The following FAM120B variants were observed in gnomAD, a reference collection of about 807,000 sequenced individuals.
The protein encoded by FAM120B is constitutive coactivator of peroxisome proliferator-activated receptor gamma.
In FAM120B, 83 loss-of-function variants were observed where a neutral mutation model predicts 96.3. That is an observed-to-expected ratio of 0.86 (90% CI 0.72 to 1.03). The LOEUF is 1.03. FAM120B is among the 50% of genes least tolerant of loss of function. The pLI is 0.00. For synonymous variants in FAM120B, 407 were observed against 402.7 expected (o/e 1.01, Z -0.13); for missense variants, 1,027 against 1,121.2 (o/e 0.92, Z 1.20).
At position 170,405,313 on chromosome 6, in the gene FAM120B, A is replaced by G. The variant is rs1162045556; in HGVS notation, c.*562A>G. ...AACAGTGAGAGATTAACAGCAACCA[A>G]TAACTAATAAAAGCTATGTGAATGT... On this transcript the variant is annotated 3_prime_UTR_variant, in exon 11 of 11. Coordinates refer to ENST00000476287, the MANE Select transcript of FAM120B (RefSeq NM_032448.3). The G allele has an allele frequency of 6.6e-6, 1 of 152,242 alleles. No individual in the cohort carries two copies. Among genetic ancestry groups the G allele is most frequent in the Non-Finnish European group, 1.5e-5 (1 of 68,046 alleles). 9.4% of individuals were successfully genotyped at this position (152,242 alleles called of 1,614,324 possible).
intron 6 of FAM120B, among the ~76,000 whole-genome samples, chr6:170,367,096 CT>C (rs1788848621): frequency 6.6e-6 from 1 of 152,078 alleles, no homozygotes; most frequent in Non-Finnish European, 1.5e-5. Flanking sequence ...ACAAATTTTT[CT>C]TTTTAGGTTA....
intron 1 of FAM120B, among the ~76,000 whole-genome samples, chr6:170,296,047 C>G (rs971391963): frequency 2.6e-5 from 4 of 152,152 alleles, no homozygotes; most frequent in African/African-American, 9.6e-5. Context: ...GTCCCGCGCC[C>G]CATCTCCATG....
rs1256369186 is a variant in FAM120B, at chr6:170,339,072, T to G, written c.2017+8522T>G. Reference sequence around the variant, plus strand: ...GTCATCATGATGCTAGCTGGTTATTTTGCACATTAGTTGATGCAGTTTCTT... The same window carrying G: ...GTCATCATGATGCTAGCTGGTTATTGTGCACATTAGTTGATGCAGTTTCTT... On this transcript the variant is annotated intron_variant, in intron 4 of 10. Transcript: ENST00000476287. Among the ~76,000 whole-genome samples, 5 of 152,164 alleles carry G rather than the reference T, an allele frequency of 3.3e-5. No individual in the cohort carries two copies. The East Asian group carries it at 9.6e-4, about 29-fold the overall frequency.
At chr6:170,400,079 T>A (rs1271674633) in intron 9 of FAM120B, among the ~76,000 whole-genome samples, 2 of 151,280 alleles carry the variant, frequency 1.3e-5, no homozygotes, top group East Asian at 4.1e-4. Context: ...GGTAGAACTA[T>A]GTCATAAGCC....
chr6:170,305,580 G>A (rs1784252657), upstream of FAM120B, among the ~76,000 whole-genome samples: 1 of 152,220 alleles, frequency 6.6e-6, no homozygotes, highest in African/African-American at 2.4e-5. Context: ...AGACTCATTA[G>A]CTCACCAGGG....
chr6:170,376,875 T>G (rs761935734), intron 6 of FAM120B, among the ~76,000 whole-genome samples: 1 of 152,140 alleles, frequency 6.6e-6, no homozygotes, highest in Non-Finnish European at 1.5e-5. Context: ...AAGTGCCTGT[T>G]TCCGTGTAGA....
At chr6:170,393,222 G>T (rs1790565341) in intron 8 of FAM120B, among the ~76,000 whole-genome samples, 1 of 151,366 alleles carries the variant, frequency 6.6e-6, no homozygotes. Context: ...GACTGAGGTT[G>T]TCAGCGAAGC....
intron 7 of FAM120B, 148 bp from the exon 8 acceptor site, chr6:170,390,865 A>G (rs1790443808): frequency 4.4e-6 from 3 of 679,166 alleles, no homozygotes; most frequent in African/African-American, 1.8e-5. Context: ...GCTGCGGTTC[A>G]TGTCTGGGAG....
In FAM120B at chr6:170,319,153, A is replaced by G. The variant is rs1337028880; in HGVS notation, c.1734+29A>G. On this transcript the variant is annotated intron_variant, in intron 2 of 10. Coordinates refer to ENST00000476287, the MANE Select transcript of FAM120B (RefSeq NM_032448.3). ...TGTGTATCTGCCCAGCCAATATGCCATGATTGAAAATATATCCGCTGATGG... is the reference window on the plus strand; with the variant it reads ...TGTGTATCTGCCCAGCCAATATGCCGTGATTGAAAATATATCCGCTGATGG... 3.3e-6 allele frequency: 5 copies of G among 1,512,228 alleles called. No individual in the cohort carries two copies. In the African/African-American group the frequency reaches 4.2e-5, roughly 13 times the overall value. The allele number at this position is 1,512,228 out of a possible 1,614,324, so 93.7% of individuals were successfully genotyped here.
In FAM120B at chr6:170,336,466, C is replaced by T. The variant is rs180748268; in HGVS notation, c.2017+5916C>T. Among the ~76,000 whole-genome samples the T allele has an allele frequency of 3.6e-3, 547 of 152,224 alleles. 2 individuals carry two copies. The highest frequency in any genetic ancestry group is 0.012 in the African/African-American group (493 of 41,518). ...TGTAGTATAGTTTGAAGTCAGGTAG[C>T]GTGATGGCTCCAGCTTTGTTCTTTT... is the stretch of plus-strand genomic sequence containing the variant. On this transcript the variant is annotated intron_variant, in intron 4 of 10. Transcript: ENST00000476287.
chr6:170,379,312 A>G (rs2115279855), intron 6 of FAM120B, among the ~76,000 whole-genome samples: 1 of 152,366 alleles, frequency 6.6e-6, no homozygotes, highest in African/African-American at 2.4e-5. Flanking sequence ...TATTTTCATT[A>G]CAGTTGGAGA....
intron 6 of FAM120B, among the ~76,000 whole-genome samples, chr6:170,376,810 T>G (rs1241766045): frequency 1.3e-5 from 2 of 152,160 alleles, no homozygotes; most frequent in African/African-American, 4.8e-5. Context: ...TGGTAAGAAA[T>G]AGAAGTCTGA....
Position 170,321,552 on chromosome 6 carries a change from A to AT in FAM120B, c.1735-1521dup, listed in dbSNP as rs551725152. Among the ~76,000 whole-genome samples the AT allele has an allele frequency of 2.3e-4, 35 of 152,084 alleles. No individual in the cohort carries two copies. In the East Asian group the frequency reaches 6.6e-3, roughly 29 times the overall value. Reference sequence around the variant, plus strand: ...TCCACCACGCCCAGCTAATTTTTGTATTTTTTAGTAAAGATGGGGTTTCGC... The same window carrying AT: ...TCCACCACGCCCAGCTAATTTTTGTATTTTTTTAGTAAAGATGGGGTTTCGC... On this transcript the variant is annotated intron_variant, in intron 2 of 10. Coordinates refer to ENST00000476287, the MANE Select transcript of FAM120B (RefSeq NM_032448.3).
intron 1 of FAM120B, among the ~76,000 whole-genome samples, chr6:170,300,991 T>G (rs1784128945): frequency 6.6e-6 from 1 of 152,172 alleles, no homozygotes; most frequent in Non-Finnish European, 1.5e-5. Context: ...CATTCTAGGG[T>G]CTGGACAATG....
At chr6:170,395,384 G>C in intron 8 of FAM120B, 103 bp from the exon 9 acceptor site, 1 of 881,734 alleles carries the variant, frequency 1.1e-6, no homozygotes, top group Non-Finnish European at 1.8e-6. Flanking sequence ...TTAAGTACGG[G>C]GATACTGCTG....
chr6:170,345,474 G>T (rs540904380), intron 4 of FAM120B, among the ~76,000 whole-genome samples: 1 of 152,132 alleles, frequency 6.6e-6, no homozygotes, highest in African/African-American at 2.4e-5. Flanking sequence ...TAAAACCTTC[G>T]CACTCTTGTA....
intron 6 of FAM120B, among the ~76,000 whole-genome samples, chr6:170,382,848 TGAAAAA>T (rs994265050): frequency 3.9e-5 from 6 of 152,026 alleles, no homozygotes; most frequent in Admixed American, 6.6e-5. Flanking sequence ...AAAATAATCT[TGAAAAA>T]GAAAAAGAAA....
In FAM120B at chr6:170,295,588, C is replaced by CGG; in HGVS notation, c.48+139_48+140dup. On this transcript the variant is annotated intron_variant, in intron 1 of 10. Transcript: ENST00000537664. This position sits in a 1 kb window ranked among gnomAD's most constrained non-coding sequence, Gnocchi z 7.8. ...ACGGTGGGGGCACAAGAACAGCAGCCGGGGGCGAAGGAATCAGCCCCGCAG... is the reference window on the plus strand; with the variant it reads ...ACGGTGGGGGCACAAGAACAGCAGCCGGGGGGGCGAAGGAATCAGCCCCGCAG... The CGG allele has an allele frequency of 1.8e-6, 1 of 549,608 alleles. No individual in the cohort carries two copies. The highest frequency in any genetic ancestry group is 3.2e-6 in the Non-Finnish European group (1 of 315,282). 34.0% of individuals were successfully genotyped at this position (549,608 alleles called of 1,614,324 possible).
At chr6:170,387,133 CGA>C (rs751861440) in intron 6 of FAM120B, among the ~76,000 whole-genome samples, 1 of 152,230 alleles carries the variant, frequency 6.6e-6, no homozygotes, top group East Asian at 1.9e-4. Context: ...TTTTTAAAAA[CGA>C]GTGTTGTTTT....
Sources: gnomAD v4.1 joint callset for allele counts (sites outside exome capture counted in the v4.1 genomes callset) on GRCh38, gnomAD v4.1.1 for gene constraint, Gnocchi (gnomAD v3.1) non-coding constraint, MANE v1.5 for transcripts, NCBI Gene and HGNC (gene_info 2026-07-23, HGNC 2026-07-21) for gene names.